CCSER2: variants seen among roughly 807,000 people sequenced by gnomAD.
CCSER2 encodes the protein serine-rich coiled-coil domain-containing protein 2.
A neutral mutation model predicts 92.3 loss-of-function variants in CCSER2; 46 were observed. The observed-to-expected ratio is 0.50, with a 90% CI of 0.39 to 0.64. The LOEUF is 0.64. CCSER2 is among the 30% of genes least tolerant of loss of function. The pLI, the probability that CCSER2 is intolerant of heterozygous loss-of-function variation, is 0.00. For synonymous variants in CCSER2, 433 were observed against 431.4 expected (o/e 1.00, Z -0.04); for missense variants, 1,244 against 1,238.9 (o/e 1.00, Z -0.06).
chr10:84,373,922 T>C (rs1846198359), intron 3 of CCSER2, 107 bp downstream of exon 3: 1 of 1,526,662 alleles, frequency 6.6e-7, no homozygotes, highest in Non-Finnish European at 8.8e-7. Context: ...TTTACTACTT[T>C]GAGAAATGGA....
intron 1 of CCSER2, among the ~76,000 whole-genome samples, chr10:84,339,635 C>T (rs1476157238): frequency 6.6e-6 from 1 of 151,926 alleles, no homozygotes; most frequent in Admixed American, 6.6e-5. Flanking sequence ...GCCACCACGC[C>T]TGGCTGGTTT....
intron 3 of CCSER2, chr10:84,391,892 C>T: frequency 1.5e-6 from 2 of 1,370,808 alleles, no homozygotes. Context: ...GATGCTGTTG[C>T]ATCATGGATT....
chr10:84,342,225 G>A (rs1844228250), intron 1 of CCSER2, among the ~76,000 whole-genome samples: 1 of 152,166 alleles, frequency 6.6e-6, no homozygotes, highest in Non-Finnish European at 1.5e-5. Context: ...GATTCCATGG[G>A]TTTTAGGAGC....
rs555875325 is a variant in CCSER2, at chr10:84,495,790, C to A, written c.2326-17659C>A. Among the ~76,000 whole-genome samples the A allele has an allele frequency of 2.7e-3, 374 of 137,578 alleles. 2 individuals carry two copies. Among genetic ancestry groups the A allele is most frequent in the African/African-American group, 8.9e-3 (343 of 38,696 alleles). 90.3% of individuals were successfully genotyped at this position (137,578 alleles called of 152,430 possible). A position where few individuals can be genotyped will look rare whatever the true frequency, so the allele number is the denominator to read the frequency against. On this transcript the variant is annotated intron_variant, in intron 9 of 9. Coordinates refer to ENST00000372088, the MANE Select transcript of CCSER2 (RefSeq NM_001284240.2). Reference sequence around the variant, plus strand: ...AATTTCTTTTGTTTTTTTTTTTTGGCGTGGTATATCGTTTTCATCTTTTAT... The same window carrying A: ...AATTTCTTTTGTTTTTTTTTTTTGGAGTGGTATATCGTTTTCATCTTTTAT...
At chr10:84,454,131 C>T (rs1041416899) in intron 6 of CCSER2, among the ~76,000 whole-genome samples, 3 of 152,144 alleles carry the variant, frequency 2.0e-5, no homozygotes, top group Admixed American at 1.3e-4. Context: ...TGTCTGAAGG[C>T]TCTGTAAGAG....
In CCSER2 at chr10:84,372,068, A is replaced by C. The variant is rs771179017; in HGVS notation, c.1016A>C (p.Asn339Thr). ...PFSGTMTVDG[N>T]KNSPADTCVE... ...TCTGGGACTATGACAGTTGATGGAA[A>C]TAAAAATTCACCTGCTGACACATGT... Residue 339 changes from asparagine (N) to threonine (T), a missense_variant, in exon 2 of 10, where the codon AAT becomes ACT. Physicochemically the swap from Asn to Thr is moderately conservative, Grantham distance 65. Coordinates refer to ENST00000372088, the MANE Select transcript of CCSER2 (RefSeq NM_001284240.2). 7 of 1,613,886 alleles carry C rather than the reference A, an allele frequency of 4.3e-6. No homozygotes were observed. In the Middle Eastern group the frequency reaches 6.6e-4, roughly 152 times the overall value.
chr10:84,465,078 G>A (rs527697522), intron 7 of CCSER2, among the ~76,000 whole-genome samples: 1 of 151,632 alleles, frequency 6.6e-6, no homozygotes, highest in Non-Finnish European at 1.5e-5. Context: ...CCTACTCTCA[G>A]TATAATACAT....
At chr10:84,440,169 T>G (rs1429815777) in intron 6 of CCSER2, among the ~76,000 whole-genome samples, 1 of 152,092 alleles carries the variant, frequency 6.6e-6, no homozygotes, top group Non-Finnish European at 1.5e-5. Context: ...TAAAAAAGTG[T>G]TTTTTGAGGT....
intron 9 of CCSER2, among the ~76,000 whole-genome samples, chr10:84,491,929 T>C (rs958889725): frequency 6.6e-6 from 1 of 152,138 alleles, no homozygotes; most frequent in Non-Finnish European, 1.5e-5. Flanking sequence ...TGGTTATAAG[T>C]GATACTGTTC....
At chr10:84,477,774 AT>A (rs1296764736) in intron 9 of CCSER2, 110 bp downstream of exon 9, 4 of 552,858 alleles carry the variant, frequency 7.2e-6, no homozygotes, top group Admixed American at 3.7e-5. Context: ...ATGGCTGTTA[AT>A]TTTTTTGTAG....
At chr10:84,369,426 G>A (rs1033988775) in intron 1 of CCSER2, among the ~76,000 whole-genome samples, 2 of 151,894 alleles carry the variant, frequency 1.3e-5, no homozygotes, top group East Asian at 1.9e-4. Context: ...GTGATGTTGA[G>A]CATTTTTTTT....
chr10:84,332,783 C>T (rs981590798), intron 1 of CCSER2, among the ~76,000 whole-genome samples: 1 of 151,778 alleles, frequency 6.6e-6, no homozygotes, highest in Non-Finnish European at 1.5e-5. Context: ...TAGTGAGACC[C>T]CCATCTCTAT....
At chr10:84,462,755 T>G (rs1285779687) in intron 6 of CCSER2, among the ~76,000 whole-genome samples, 1 of 152,188 alleles carries the variant, frequency 6.6e-6, no homozygotes, top group East Asian at 1.9e-4. Flanking sequence ...AATACACATT[T>G]AGAAATTCTG....
chr10:84,359,325 T>TA (rs1845372482), intron 1 of CCSER2, among the ~76,000 whole-genome samples: 1 of 152,092 alleles, frequency 6.6e-6, no homozygotes, highest in Non-Finnish European at 1.5e-5. Flanking sequence ...GAATGGAATG[T>TA]AAAAAATGTT....
chr10:84,484,124 C>G (rs1847657648), intron 9 of CCSER2, among the ~76,000 whole-genome samples: 1 of 151,098 alleles, frequency 6.6e-6, no homozygotes, highest in East Asian at 2.0e-4. Context: ...CAGGTGCCCG[C>G]CACTATGCTT....
At chr10:84,364,334 C>T (rs1025005923) in intron 1 of CCSER2, among the ~76,000 whole-genome samples, 2 of 152,252 alleles carry the variant, frequency 1.3e-5, no homozygotes, top group African/African-American at 4.8e-5. Context: ...ACTGTAATCT[C>T]ATGGGACCAT....
chr10:84,470,411 G>A lies in CCSER2; in HGVS notation c.2188G>A (p.Glu730Lys), dbSNP rs774031266. 35 of 1,387,118 alleles carry A rather than the reference G, an allele frequency of 2.5e-5. No homozygotes were observed. In the Middle Eastern group the frequency reaches 7.5e-4, roughly 30 times the overall value. The allele number at this position is 1,387,118 out of a possible 1,614,324, so 85.9% of individuals were successfully genotyped here. Reference protein sequence around the residue: ...LLNEIKQLKDEIKKKDEKIQL... With the variant: ...LLNEIKQLKDKIKKKDEKIQL... ...AAATGAAATAAAACAACTTAAAGAC[G>A]AAATAAAGAAAAAAGATGAAAAGAT... Residue 730 changes from glutamate to lysine, a missense_variant, in exon 8 of 10, where the codon GAA becomes AAA. Transcript: ENST00000372088.
chr10:84,457,443 ATAC>A lies in CCSER2; in HGVS notation c.2065-6489_2065-6487del, dbSNP rs1434024714. On this transcript the variant is annotated intron_variant, in intron 6 of 9. Transcript: ENST00000372088. ...TATTTAAAATTATATTTATATATAA[ATAC>A]ATATTATAAAATATATAATATATAT... is the stretch of plus-strand genomic sequence containing the variant. Among the ~76,000 whole-genome samples, 217 of 105,984 alleles carry A rather than the reference ATAC, an allele frequency of 2.0e-3. 3 individuals are homozygous for A. Among genetic ancestry groups the A allele is most frequent in the Middle Eastern group, 9.4e-3 (2 of 212 alleles). The allele number at this position is 105,984 out of a possible 152,430, so 69.5% of individuals were successfully genotyped here.
intron 1 of CCSER2, among the ~76,000 whole-genome samples, chr10:84,366,350 A>T (rs186882641): frequency 5.3e-5 from 8 of 152,298 alleles, no homozygotes; most frequent in African/African-American, 1.9e-4. Context: ...ATTAATTTAC[A>T]TTAAGAGATT....
Sources: gnomAD v4.1 joint callset for allele counts (sites outside exome capture counted in the v4.1 genomes callset) on GRCh38, gnomAD v4.1.1 for gene constraint, MANE v1.5 for transcripts, NCBI Gene and HGNC (gene_info 2026-07-23, HGNC 2026-07-21) for gene names.